NEBL: variants seen among roughly 807,000 people sequenced by gnomAD.
The protein encoded by NEBL is LIM and SH3 protein 2.
NEBL carries 122 observed loss-of-function variants against 140.2 expected under a neutral mutation model. The observed-to-expected ratio is 0.87, with a 90% CI of 0.75 to 1.01. The LOEUF (loss-of-function observed/expected upper bound fraction) is 1.01. Ranked by LOEUF, NEBL falls within the 50% of genes least tolerant of loss-of-function variation. The probability of loss-of-function intolerance (pLI) is 0.00; values close to 1 mark genes in which losing one functional copy is unlikely to be tolerated. For synonymous variants in NEBL, 436 were observed against 398.9 expected (o/e 1.09, Z -1.11); for missense variants, 1,365 against 1,231.3 (o/e 1.11, Z -1.62).
intron 2 of NEBL, chr10:21,110,823 A>G: frequency 1.6e-6 from 1 of 608,038 alleles, no homozygotes; most frequent in Non-Finnish European, 3.2e-6. Flanking sequence ...CAAAGGATGA[A>G]TTGCACATTG....
At chr10:20,850,593 CTTG>C in intron 10 of NEBL, 91 bp from the exon 11 acceptor site, 1 of 836,304 alleles carries the variant, frequency 1.2e-6, no homozygotes, top group Non-Finnish European at 2.0e-6. Flanking sequence ...AACTAGTCAT[CTTG>C]TTGTCTAAAA....
chr10:21,020,880 G>T (rs1838763538), intron 2 of NEBL, among the ~76,000 whole-genome samples: 1 of 152,054 alleles, frequency 6.6e-6, no homozygotes. Context: ...ACCATCACCT[G>T]GGGATCACAT....
rs1470763274 is a variant in NEBL at position 21,241,884 on chromosome 10, GAATGGACCCACAGCTCATCT to G, written n.348+6017_348+6036del. Among the ~76,000 whole-genome samples, 11 of 152,218 alleles carry G rather than the reference GAATGGACCCACAGCTCATCT, an allele frequency of 7.2e-5. No individual in the cohort carries two copies. In the South Asian group the frequency reaches 2.3e-3, roughly 32 times the overall value. ...TCTGTCTTAGTACATCTTGGTCATT[GAATGGACCCACAGCTCATCT>G]AAGAAACGTTCTGTAGGCCAGGAGC... is the stretch of plus-strand genomic sequence containing the variant. On this transcript the variant is annotated intron_variant and non_coding_transcript_variant, in intron 3 of 8. Coordinates refer to the NEBL transcript ENST00000675702.
chr10:21,213,686 G>C (rs1841949539), intron 3 of NEBL, among the ~76,000 whole-genome samples: 1 of 152,170 alleles, frequency 6.6e-6, no homozygotes, highest in South Asian at 2.1e-4. Context: ...GAGGAGTAGA[G>C]TAAATAGAGA....
chr10:20,832,636 A>G lies in NEBL; in HGVS notation c.1450-1053T>C, dbSNP rs1840525793. Among the ~76,000 whole-genome samples the G allele has an allele frequency of 2.0e-5, 3 of 152,194 alleles. 1 individual carries two copies. The highest frequency in any genetic ancestry group is 2.0e-4 in the Admixed American group (3 of 15,274). On this transcript the variant is annotated intron_variant, in intron 14 of 27. Coordinates refer to ENST00000377122, the MANE Select transcript of NEBL (RefSeq NM_006393.3). Reference sequence around the variant, plus strand: ...TAAAAAAAACTATTAACTATAGCCAATTAAATTTGCTTTAAAACAATTATT... The same window carrying G: ...TAAAAAAAACTATTAACTATAGCCAGTTAAATTTGCTTTAAAACAATTATT...
At chr10:20,846,420 T>C (rs1024618447) in intron 11 of NEBL, among the ~76,000 whole-genome samples, 4 of 152,140 alleles carry the variant, frequency 2.6e-5, no homozygotes, top group African/African-American at 7.2e-5. Context: ...TGAAGGAGAA[T>C]AAGAGAAGCA....
rs559154922 is a variant in NEBL, at chr10:21,223,996, G to A, written n.348+23925C>T. ...ATTTTGCAGATTGTCTCTTCACTTC[G>A]ATAATGTTTCTTTGCTGTGCAGAAG... On this transcript the variant is annotated intron_variant and non_coding_transcript_variant, in intron 3 of 8. Transcript: ENST00000675702. Among the ~76,000 whole-genome samples the A allele has an allele frequency of 2.0e-3, 311 of 152,156 alleles. 3 individuals carry two copies. The highest frequency in any genetic ancestry group is 6.0e-3 in the South Asian group (29 of 4,818).
chr10:21,077,849 C>T (rs9633625), intron 2 of NEBL, among the ~76,000 whole-genome samples: 43,366 of 151,842 alleles, frequency 0.29, 8,780 homozygotes, highest in African/African-American at 0.58. Context: ...CACAGCAGAA[C>T]TGATAGACCT....
chr10:21,288,868 A>G (rs1588605588), intron 1 of NEBL, among the ~76,000 whole-genome samples: 1 of 98,750 alleles, frequency 1.0e-5, no homozygotes, highest in East Asian at 3.2e-4. Flanking sequence ...TTTTTTTTTG[A>G]GACGGAGTCT....
At chr10:21,282,462 G>A (rs369189371) in intron 1 of NEBL, among the ~76,000 whole-genome samples, 1 of 152,210 alleles carries the variant, frequency 6.6e-6, no homozygotes, top group East Asian at 1.9e-4. Context: ...TCCCAGGAAG[G>A]ACGAAGTCAT....
chr10:21,114,375 A>C (rs983301297), intron 2 of NEBL, among the ~76,000 whole-genome samples: 4 of 152,082 alleles, frequency 2.6e-5, no homozygotes, highest in African/African-American at 9.7e-5. Context: ...TTCTGTGTGC[A>C]CTTGAAAAGA....
intron 4 of NEBL, among the ~76,000 whole-genome samples, chr10:20,945,746 C>T (rs1407750502): frequency 6.6e-6 from 1 of 152,170 alleles, no homozygotes; most frequent in Non-Finnish European, 1.5e-5. Context: ...TGGACATTTG[C>T]TCTGTGGCAC....
intron 3 of NEBL, among the ~76,000 whole-genome samples, chr10:20,997,200 C>G (rs1268235098): frequency 6.6e-6 from 1 of 152,128 alleles, no homozygotes; most frequent in Non-Finnish European, 1.5e-5. Context: ...CTCACTCACT[C>G]AATCCTTTGT....
intron 13 of NEBL, among the ~76,000 whole-genome samples, chr10:20,836,255 C>T (rs1237125296): frequency 6.6e-6 from 1 of 152,022 alleles, no homozygotes; most frequent in Admixed American, 6.5e-5. Context: ...CAGAGTCTTG[C>T]TCTCTCGCGC....
intron 3 of NEBL, among the ~76,000 whole-genome samples, chr10:21,218,970 C>T (rs921885273): frequency 2.6e-5 from 4 of 152,208 alleles, no homozygotes; most frequent in Admixed American, 2.0e-4. Context: ...CCTTCACAGA[C>T]GGAACCTTAT....
intron 1 of NEBL, among the ~76,000 whole-genome samples, chr10:21,261,641 T>G (rs1389034745): frequency 6.7e-6 from 1 of 150,022 alleles, no homozygotes; most frequent in African/African-American, 2.5e-5. Flanking sequence ...AGTGAGACCC[T>G]GTCTCAAAAA....
At chr10:21,004,844 A>G (rs1589128774) in intron 3 of NEBL, among the ~76,000 whole-genome samples, 1 of 152,246 alleles carries the variant, frequency 6.6e-6, no homozygotes, top group African/African-American at 2.4e-5. Flanking sequence ...TGATGCATAC[A>G]GGTAGGCAGG....
chr10:21,145,613 A>C (rs1355347052), intron 2 of NEBL, among the ~76,000 whole-genome samples: 2 of 152,222 alleles, frequency 1.3e-5, no homozygotes, highest in African/African-American at 4.8e-5. Flanking sequence ...ATATGAGCCA[A>C]GTGGCTGTTA....
At chr10:20,950,048 A>G (rs528892298) in intron 4 of NEBL, among the ~76,000 whole-genome samples, 5 of 152,280 alleles carry the variant, frequency 3.3e-5, no homozygotes, top group Admixed American at 3.3e-4. Context: ...TGATATTAAC[A>G]CAGCATTTCC....
Sources: allele counts gnomAD v4.1 joint callset (sites outside exome capture counted in the v4.1 genomes callset), GRCh38; gene constraint gnomAD v4.1.1; transcripts MANE v1.5; gene names NCBI Gene and HGNC (gene_info 2026-07-23, HGNC 2026-07-21).